The following TFDP2 variants were observed in gnomAD, a reference collection of about 807,000 sequenced individuals.
TFDP2 encodes transcription factor Dp-2 (E2F dimerization partner 2).
Under a neutral mutation model 59.3 loss-of-function variants are expected in TFDP2, and 17 were observed. The observed-to-expected ratio is 0.29, with a 90% confidence interval of 0.20 to 0.43. The LOEUF (loss-of-function observed/expected upper bound fraction) is 0.43. Ranked by LOEUF, TFDP2 falls within the 20% of genes least tolerant of loss-of-function variation. The pLI is 1.00. For missense variants in TFDP2, 391 were observed against 528.8 expected (o/e 0.74, Z 2.56); for synonymous variants, 180 against 194.7 (o/e 0.92, Z 0.63).
intron 9 of TFDP2, among the ~76,000 whole-genome samples, chr3:141,967,877 CAT>C (rs991377272): frequency 5.3e-5 from 8 of 152,144 alleles, no homozygotes; most frequent in African/African-American, 7.2e-5. Context: ...GTCCTACACA[CAT>C]GAGGGTGATC....
At chr3:141,954,864 G>A (rs985468606) in intron 11 of TFDP2, among the ~76,000 whole-genome samples, 1 of 151,958 alleles carries the variant, frequency 6.6e-6, no homozygotes, top group Non-Finnish European at 1.5e-5. Context: ...GATTTAGATT[G>A]GAAACTCTGG....
intron 3 of TFDP2, among the ~76,000 whole-genome samples, chr3:142,073,329 G>A (rs2108553443): frequency 6.6e-6 from 1 of 151,986 alleles, no homozygotes; most frequent in South Asian, 2.1e-4. Context: ...TGAGTGAAGG[G>A]TATAAAGTAA....
intron 1 of TFDP2, among the ~76,000 whole-genome samples, chr3:142,138,709 T>C (rs546189485): frequency 6.6e-6 from 1 of 152,364 alleles, no homozygotes; most frequent in South Asian, 2.1e-4. Context: ...TGAGTTCTAA[T>C]TTGATTGCAC....
At chr3:142,047,005 C>T (rs974791992) in intron 3 of TFDP2, among the ~76,000 whole-genome samples, 2 of 152,106 alleles carry the variant, frequency 1.3e-5, no homozygotes, top group African/African-American at 4.8e-5. Context: ...CCCCCTTCAG[C>T]CTTCAGCCAC....
intron 4 of TFDP2, among the ~76,000 whole-genome samples, chr3:142,003,917 C>CA (rs1022265279): frequency 1.3e-5 from 2 of 152,010 alleles, no homozygotes; most frequent in African/African-American, 2.4e-5. Context: ...CAGCATTAAA[C>CA]AAAAAATAAT....
chr3:141,973,093 GTATATATATATA>G (rs1553761666), intron 8 of TFDP2, among the ~76,000 whole-genome samples: 4 of 103,170 alleles, frequency 3.9e-5, no homozygotes, highest in Admixed American at 2.3e-4. Context: ...AAAGCTATGT[GTATATATATATA>G]TATATATATA....
intron 1 of TFDP2, among the ~76,000 whole-genome samples, chr3:142,130,490 TC>T (rs1406167669): frequency 6.6e-6 from 1 of 151,390 alleles, no homozygotes; most frequent in Non-Finnish European, 1.5e-5. Context: ...ATTTACTATT[TC>T]TTTTTTTTTT....
At chr3:142,111,788 G>A (rs1036592958) in intron 1 of TFDP2, among the ~76,000 whole-genome samples, 14 of 152,130 alleles carry the variant, frequency 9.2e-5, no homozygotes, top group East Asian at 1.9e-4. Context: ...AGATTTGGCC[G>A]GGTGTGGTGG....
At chr3:142,140,106 T>G (rs1471217877) in intron 1 of TFDP2, among the ~76,000 whole-genome samples, 3 of 152,216 alleles carry the variant, frequency 2.0e-5, no homozygotes, top group African/African-American at 7.2e-5. Flanking sequence ...CTCGCTTTAT[T>G]TCATTAATTT....
At chr3:142,057,489 T>C (rs2059783632) in intron 3 of TFDP2, among the ~76,000 whole-genome samples, 1 of 152,184 alleles carries the variant, frequency 6.6e-6, no homozygotes, top group Non-Finnish European at 1.5e-5. Context: ...CTGGGTGGGT[T>C]GTTTTGTATC....
At chr3:142,025,132 G>C (rs1945973160) in intron 3 of TFDP2, among the ~76,000 whole-genome samples, 1 of 152,136 alleles carries the variant, frequency 6.6e-6, no homozygotes, top group African/African-American at 2.4e-5. Flanking sequence ...GATGAATTAG[G>C]AAAGTTTTTG....
At chr3:142,056,012 G>A (rs893138194) in intron 3 of TFDP2, among the ~76,000 whole-genome samples, 1 of 131,634 alleles carries the variant, frequency 7.6e-6, no homozygotes, top group African/African-American at 3.0e-5. Flanking sequence ...GGAGTGCAGT[G>A]GCATGATCTC....
intron 3 of TFDP2, among the ~76,000 whole-genome samples, chr3:142,046,910 C>A (rs1237160325): frequency 3.9e-5 from 6 of 152,024 alleles, no homozygotes; most frequent in Non-Finnish European, 8.8e-5. Flanking sequence ...ATTTTTTGAG[C>A]CCAAAAGGTC....
chr3:142,000,105 G>A (rs913352225), intron 4 of TFDP2: 11 of 466,404 alleles, frequency 2.4e-5, no homozygotes, highest in African/African-American at 1.2e-4. Context: ...GAGGAGAAGC[G>A]ATAAATGGCT....
chr3:142,112,246 T>C (rs539623231), intron 1 of TFDP2, among the ~76,000 whole-genome samples: 1 of 152,336 alleles, frequency 6.6e-6, no homozygotes, highest in Non-Finnish European at 1.5e-5. Flanking sequence ...GTAACTGAAA[T>C]GCTCACTCAT....
rs530421905 is a variant in TFDP2, at chr3:142,034,358, C to G, written c.83-28814G>C. ...AGGTGATCCGCCCACCTCGGCCTCC[C>G]AAAGTGCTGGGATTACAGGTGTTAG... On this transcript the variant is annotated intron_variant, in intron 3 of 12. Coordinates refer to ENST00000489671, the MANE Select transcript of TFDP2 (RefSeq NM_001178139.2). Among the ~76,000 whole-genome samples, 8 of 152,162 alleles carry G rather than the reference C, an allele frequency of 5.3e-5. No individual in the cohort carries two copies. The East Asian group carries it at 1.4e-3, about 26-fold the overall frequency.
intron 11 of TFDP2, among the ~76,000 whole-genome samples, chr3:141,956,093 C>A (rs961022944): frequency 1.3e-5 from 2 of 152,146 alleles, no homozygotes; most frequent in African/African-American, 4.8e-5. Context: ...CAGGCGTAAG[C>A]CACCGCACCC....
At chr3:142,123,106 C>G (rs1451716440) in intron 1 of TFDP2, among the ~76,000 whole-genome samples, 1 of 151,974 alleles carries the variant, frequency 6.6e-6, no homozygotes, top group Non-Finnish European at 1.5e-5. Context: ...AAATTACAGG[C>G]GCGCACCACT....
rs573407267 is a variant in TFDP2 at position 141,998,226 on chromosome 3, C to T, written c.187-3085G>A. Among the ~76,000 whole-genome samples, 8 of 152,242 alleles carry T rather than the reference C, an allele frequency of 5.3e-5. No individual in the cohort carries two copies. In the East Asian group the frequency reaches 5.8e-4, roughly 11 times the overall value. ...GTAAGAAATAAAACAGAAGGAAAGTCGGTAAGACTTGAACAGCCACAGAAT... is the reference window on the plus strand; with the variant it reads ...GTAAGAAATAAAACAGAAGGAAAGTTGGTAAGACTTGAACAGCCACAGAAT... On this transcript the variant is annotated intron_variant, in intron 4 of 12. Coordinates refer to ENST00000489671, the MANE Select transcript of TFDP2 (RefSeq NM_001178139.2).
Sources: gnomAD v4.1 joint callset for allele counts (sites outside exome capture counted in the v4.1 genomes callset) on GRCh38, gnomAD v4.1.1 for gene constraint, MANE v1.5 for transcripts, NCBI Gene and HGNC (gene_info 2026-07-23, HGNC 2026-07-21) for gene names.